The following PRMT9 variants were observed in gnomAD, a reference collection of about 807,000 sequenced individuals.
PRMT9 encodes the protein protein arginine N-methyltransferase 9.
In PRMT9, 59 loss-of-function variants were observed where a neutral mutation model predicts 83.2. That is an observed-to-expected ratio of 0.71 (90% CI 0.57 to 0.88). The LOEUF (loss-of-function observed/expected upper bound fraction) is 0.88. Ranked by LOEUF, PRMT9 falls within the 40% of genes least tolerant of loss-of-function variation. The probability of loss-of-function intolerance (pLI) is 0.00; values close to 1 mark genes in which losing one functional copy is unlikely to be tolerated. For synonymous variants in PRMT9, 333 were observed against 353.2 expected (o/e 0.94, Z 0.64); for missense variants, 947 against 1,021.9 (o/e 0.93, Z 1.00).
At chr4:147,675,717 T>C (rs561182742) in intron 2 of PRMT9, among the ~76,000 whole-genome samples, 1 of 152,308 alleles carries the variant, frequency 6.6e-6, no homozygotes, top group Admixed American at 6.5e-5. Flanking sequence ...CCAATATGTA[T>C]CACTGATATG....
At chr4:147,639,982 C>T (rs1366283560) in intron 10 of PRMT9, among the ~76,000 whole-genome samples, 1 of 150,998 alleles carries the variant, frequency 6.6e-6, no homozygotes, top group Non-Finnish European at 1.5e-5. Flanking sequence ...TCACCTGCCT[C>T]CTAATCCCCA....
Position 147,683,927 on chromosome 4 carries a change from G to T in PRMT9, c.61C>A (p.Arg21=). 6.2e-7 allele frequency: 1 copy of T among 1,612,952 alleles called. No individual in the cohort carries two copies. The highest frequency in any genetic ancestry group is 8.5e-7 in the Non-Finnish European group (1 of 1,179,722). The change falls in exon 1 of 12, where the codon CGG becomes AGG. Residue 21 remains arginine (R), a synonymous_variant. Coordinates refer to ENST00000322396, the MANE Select transcript of PRMT9 (RefSeq NM_138364.4). ...DAGGGAGAAG[R]DELVSRSLQS... is the part of the protein sequence containing the mutation. ...AAGGACCGCGACACCAGCTCGTCCC[G>T]GCCGGCTGCCCCAGCGCCACCCCCG...
chr4:147,657,917 T>C lies in PRMT9; in HGVS notation c.1205A>G (p.Glu402Gly), dbSNP rs1175449195. ...AACCATAATAGCATCTAGTATGCCTTCTTTAATAACAGGAATACCAATCTT... is the reference window on the plus strand; with the variant it reads ...AACCATAATAGCATCTAGTATGCCTCCTTTAATAACAGGAATACCAATCTT... ...PDKIGIPVIK[E>G]GILDAIMVWF... Residue 402 changes from glutamate to glycine, a missense_variant, in exon 8 of 12, where the codon GAA (glutamate) becomes GGA (glycine). Transcript: ENST00000322396. 1 of 1,606,890 alleles carries C rather than the reference T, an allele frequency of 6.2e-7. No individual in the cohort carries two copies. Among genetic ancestry groups the C allele is most frequent in the Non-Finnish European group, 8.5e-7 (1 of 1,177,274 alleles).
chr4:147,672,443 T>C (rs890496100), intron 4 of PRMT9, among the ~76,000 whole-genome samples: 2 of 152,254 alleles, frequency 1.3e-5, no homozygotes, highest in Admixed American at 1.3e-4. Flanking sequence ...ATCACCCTTG[T>C]GATATGGATC....
chr4:147,666,459 A>T (rs1056087564), intron 6 of PRMT9, among the ~76,000 whole-genome samples: 25 of 152,150 alleles, frequency 1.6e-4, no homozygotes, highest in African/African-American at 6.0e-4. Context: ...TTTCCTGAAT[A>T]GTTTATCCCT....
Position 147,669,002 on chromosome 4 carries a change from C to T in PRMT9, c.847-357G>A, listed in dbSNP as rs547884932. ...TTGGGAGGCTGAGGCAGGAGAATCG[C>T]TTGAACCCAGGAGGCAGAGGCTGCA... On this transcript the variant is annotated intron_variant, in intron 5 of 11. Transcript: ENST00000322396. Among the ~76,000 whole-genome samples, 6 of 152,224 alleles carry T rather than the reference C, an allele frequency of 3.9e-5. No individual in the cohort carries two copies. The East Asian group carries it at 1.2e-3, about 29-fold the overall frequency.
intron 9 of PRMT9, among the ~76,000 whole-genome samples, chr4:147,650,270 ACT>A (rs1734005165): frequency 6.6e-6 from 1 of 152,200 alleles, no homozygotes; most frequent in Admixed American, 6.5e-5. Context: ...TATATAGAAA[ACT>A]CTAAAGAAAA....
At chr4:147,655,057 G>GT (rs1208086544) in intron 8 of PRMT9, among the ~76,000 whole-genome samples, 1 of 152,210 alleles carries the variant, frequency 6.6e-6, no homozygotes, top group Non-Finnish European at 1.5e-5. Flanking sequence ...TTTGTTAACT[G>GT]TAAGTATTTT....
chr4:147,674,101 C>T (rs1435850669), intron 2 of PRMT9, among the ~76,000 whole-genome samples: 1 of 152,150 alleles, frequency 6.6e-6, no homozygotes, highest in Non-Finnish European at 1.5e-5. Flanking sequence ...CAAACAAGTA[C>T]CTGACTATAA....
chr4:147,665,344 G>A (rs994931767), intron 6 of PRMT9, among the ~76,000 whole-genome samples: 2 of 152,140 alleles, frequency 1.3e-5, no homozygotes, highest in African/African-American at 2.4e-5. Flanking sequence ...CTGTAAGGAC[G>A]AGCTGTACTT....
chr4:147,654,631 A>T, intron 8 of PRMT9, 65 bp from the exon 9 acceptor site: 1 of 990,804 alleles, frequency 1.0e-6, no homozygotes, highest in Admixed American at 1.7e-5. Context: ...TCACATAAAC[A>T]TCTCCATCCT....
At chr4:147,666,090 TATC>T (rs1198150033) in intron 6 of PRMT9, among the ~76,000 whole-genome samples, 1 of 152,222 alleles carries the variant, frequency 6.6e-6, no homozygotes, top group Non-Finnish European at 1.5e-5. Context: ...GAAAATAAGA[TATC>T]AAACAACTTT....
At chr4:147,644,043 A>G (rs1578877197) in intron 9 of PRMT9, among the ~76,000 whole-genome samples, 1 of 152,330 alleles carries the variant, frequency 6.6e-6, no homozygotes, top group East Asian at 1.9e-4. Context: ...TATTGTGACA[A>G]CTGGTGAAAT....
chr4:147,640,092 A>ATTTT (rs1560962912), intron 10 of PRMT9, among the ~76,000 whole-genome samples: 6,599 of 70,292 alleles, frequency 0.094, 2,677 homozygotes, highest in Non-Finnish European at 0.13. Flanking sequence ...TTTTTTTTTA[A>ATTTT]TATAGGGTCT....
chr4:147,639,125 T>C, intron 10 of PRMT9, 43 bp from the exon 11 acceptor site: 1 of 1,607,304 alleles, frequency 6.2e-7, no homozygotes, highest in Non-Finnish European at 8.5e-7. Flanking sequence ...TTTCTTTTTG[T>C]GGTCAGGGCT....
intron 9 of PRMT9, among the ~76,000 whole-genome samples, chr4:147,645,466 T>G (rs1291997815): frequency 2.6e-5 from 4 of 152,210 alleles, no homozygotes; most frequent in African/African-American, 9.7e-5. Flanking sequence ...TATATAATAG[T>G]GTTTTATCAA....
chr4:147,654,492 T>C lies in PRMT9; in HGVS notation c.1405A>G (p.Ile469Val). ...CQDCYLRIQSISVLGLECEMD... is the reference protein window; with the variant it reads ...CQDCYLRIQSVSVLGLECEMD... ...TCACATTCCAAACCCAAGACACTAATACTCTGGATTCTTAAGTAACAGTCT... is the reference window on the plus strand; with the variant it reads ...TCACATTCCAAACCCAAGACACTAACACTCTGGATTCTTAAGTAACAGTCT... Residue 469 changes from isoleucine (I) to valine (V), a missense_variant, in exon 9 of 12, where the codon ATT (isoleucine) becomes GTT (valine). Coordinates refer to ENST00000322396, the MANE Select transcript of PRMT9 (RefSeq NM_138364.4). 6.2e-7 allele frequency: 1 copy of C among 1,613,976 alleles called. No homozygotes were observed. The highest frequency in any genetic ancestry group is 2.2e-5 in the East Asian group (1 of 44,878).
rs151215653 is a variant in PRMT9 at position 147,657,846 on chromosome 4, G to C, written c.1276C>G (p.Pro426Ala). The C allele has an allele frequency of 2.7e-5, 44 of 1,610,768 alleles. No homozygotes were observed. The African/African-American group carries it at 6.0e-4, about 22-fold the overall frequency. ...LDDEHSLSTS[P>A]SEETCWEQAV... is the part of the protein sequence containing the mutation. ...TGTTCCCAACATGTTTCCTCACTAG[G>C]ACTTGTGGATAAACTATGTTCATCA... The change falls in exon 8 of 12, where the codon CCT becomes GCT. Residue 426 changes from proline (P) to alanine (A), a missense_variant. Physicochemically the swap from Pro to Ala is conservative, Grantham distance 27. Coordinates refer to ENST00000322396, the MANE Select transcript of PRMT9 (RefSeq NM_138364.4).
rs999851727 is a variant in PRMT9 at position 147,658,547 on chromosome 4, A to G, written c.1147-572T>C. Among the ~76,000 whole-genome samples, 3 of 152,332 alleles carry G rather than the reference A, an allele frequency of 2.0e-5. No homozygotes were observed. The East Asian group carries it at 5.8e-4, about 29-fold the overall frequency. On this transcript the variant is annotated intron_variant, in intron 7 of 11. Coordinates refer to ENST00000322396, the MANE Select transcript of PRMT9 (RefSeq NM_138364.4). ...ACAGGCAGGCATGACTTTTGAAATTAAAACCTTAGTAAGATTTGTGTGTGG... is the reference window on the plus strand; with the variant it reads ...ACAGGCAGGCATGACTTTTGAAATTGAAACCTTAGTAAGATTTGTGTGTGG...
Sources: gnomAD v4.1 joint callset for allele counts (sites outside exome capture counted in the v4.1 genomes callset) on GRCh38, gnomAD v4.1.1 for gene constraint, MANE v1.5 for transcripts, NCBI Gene and HGNC (gene_info 2026-07-23, HGNC 2026-07-21) for gene names.